RGS9: variants seen among roughly 807,000 people sequenced by gnomAD.
The protein encoded by RGS9 is regulator of G-protein signalling 9.
Under a neutral mutation model 102.0 loss-of-function variants are expected in RGS9, and 78 were observed. The observed-to-expected ratio is 0.76, with a 90% CI of 0.64 to 0.92. The LOEUF (loss-of-function observed/expected upper bound fraction) is 0.92, where lower values mean the gene tolerates loss of function less well. RGS9 is among the 40% of genes least tolerant of loss of function. RGS9 has a pLI of 0.00. For synonymous variants in RGS9, 353 were observed against 318.6 expected (o/e 1.11, Z -1.15); for missense variants, 833 against 866.1 (o/e 0.96, Z 0.48).
intron 1 of RGS9, among the ~76,000 whole-genome samples, chr17:65,140,505 G>C (rs1910116436): frequency 6.6e-6 from 1 of 152,158 alleles, no homozygotes; most frequent in Admixed American, 6.5e-5. Flanking sequence ...ACCTTTTAAA[G>C]GTTTGGTTTT....
chr17:65,206,411 G>A (rs980288086), intron 15 of RGS9, among the ~76,000 whole-genome samples: 12 of 152,182 alleles, frequency 7.9e-5, no homozygotes, highest in African/African-American at 2.9e-4. Context: ...TGGGCGCAGT[G>A]GCTCACGCCT....
At chr17:65,225,730 C>T in intron 18 of RGS9, 1 of 579,674 alleles carries the variant, frequency 1.7e-6, no homozygotes, top group Non-Finnish European at 3.1e-6. Flanking sequence ...TCCATTTTTC[C>T]AAATCTCTTT....
chr17:65,194,026 T>G (rs975258256), intron 12 of RGS9, among the ~76,000 whole-genome samples: 4 of 152,116 alleles, frequency 2.6e-5, no homozygotes, highest in Non-Finnish European at 5.9e-5. Context: ...TTCGAGCAAG[T>G]TTCTAAGAAG....
chr17:65,212,222 TGA>T (rs1364758617), intron 17 of RGS9, among the ~76,000 whole-genome samples: 1 of 152,266 alleles, frequency 6.6e-6, no homozygotes, highest in Non-Finnish European at 1.5e-5. Context: ...ACCTCTTTAG[TGA>T]GAGAAATTTC....
chr17:65,177,106 C>T lies in RGS9; in HGVS notation c.583-626C>T, dbSNP rs1005301905. Among the ~76,000 whole-genome samples, 3 of 151,176 alleles carry T rather than the reference C, an allele frequency of 2.0e-5. No individual in the cohort carries two copies. In the South Asian group the frequency reaches 6.3e-4, roughly 32 times the overall value. On this transcript the variant is annotated intron_variant, in intron 8 of 18. Coordinates refer to ENST00000262406, the MANE Select transcript of RGS9 (RefSeq NM_003835.4). Reference sequence around the variant, plus strand: ...CCATCCATCCATCCTTCCATCCCTCCATTCATCCATCTCACTATGGTGCTG... The same window carrying T: ...CCATCCATCCATCCTTCCATCCCTCTATTCATCCATCTCACTATGGTGCTG...
At chr17:65,181,153 GGT>G (rs1171547855) in intron 9 of RGS9, among the ~76,000 whole-genome samples, 2 of 152,066 alleles carry the variant, frequency 1.3e-5, no homozygotes, top group Non-Finnish European at 2.9e-5. Flanking sequence ...TATCCCTTTG[GGT>G]ATATACCTAG....
chr17:65,202,444 T>TGA (rs1555616144), intron 14 of RGS9, among the ~76,000 whole-genome samples: 5,257 of 131,622 alleles, frequency 0.04, 480 homozygotes, highest in East Asian at 0.23. Context: ...TGTGTGTGTG[T>TGA]GAGAGAGAGA....
rs908254700 is a variant in RGS9 at position 65,220,533 on chromosome 17, G to A, written c.1408-4469G>A. ...TCATGCCATGTGTTCACCCATGGCAGAGTTTTCCCCATGGGGCTAACTTTG... is the reference window on the plus strand; with the variant it reads ...TCATGCCATGTGTTCACCCATGGCAAAGTTTTCCCCATGGGGCTAACTTTG... On this transcript the variant is annotated intron_variant, in intron 17 of 18. Transcript: ENST00000262406. Among the ~76,000 whole-genome samples, 3 of 152,172 alleles carry A rather than the reference G, an allele frequency of 2.0e-5. No homozygotes were observed. The South Asian group carries it at 6.2e-4, about 32-fold the overall frequency.
intron 15 of RGS9, among the ~76,000 whole-genome samples, chr17:65,205,381 T>C (rs1362333108): frequency 6.6e-6 from 1 of 152,190 alleles, no homozygotes; most frequent in East Asian, 1.9e-4. Context: ...TTATGTGATA[T>C]AGGTTATGGA....
At chr17:65,162,957 C>A in intron 6 of RGS9, 56 bp from the exon 7 acceptor site, 2 of 951,972 alleles carry the variant, frequency 2.1e-6, no homozygotes, top group South Asian at 1.4e-5. Context: ...TGTTGCCCTG[C>A]GGCACATGGC....
intron 1 of RGS9, among the ~76,000 whole-genome samples, chr17:65,143,914 T>C (rs1359377382): frequency 6.8e-5 from 10 of 147,938 alleles, no homozygotes; most frequent in Admixed American, 3.4e-4. Context: ...TGAGCTATGA[T>C]CATGCCACTG....
chr17:65,206,533 C>T (rs1913070366), intron 15 of RGS9, among the ~76,000 whole-genome samples: 2 of 152,120 alleles, frequency 1.3e-5, no homozygotes, highest in South Asian at 2.1e-4. Context: ...CAAAAATTAG[C>T]TGGGCGTGGT....
Position 65,225,290 on chromosome 17 carries a change from C to T in RGS9, c.1696C>T (p.Pro566Ser), listed in dbSNP as rs745787640. The T allele has an allele frequency of 6.2e-7, 1 of 1,609,016 alleles. No homozygotes were observed. The highest frequency in any genetic ancestry group is 8.5e-7 in the Non-Finnish European group (1 of 1,179,942). The change falls in exon 18 of 19, where the codon CCT becomes TCT. Residue 566 changes from proline (P) to serine (S), a missense_variant. This residue lies in a region of RGS9 where 320 missense variants were observed against 276.8 expected (regional missense o/e 1.16). Coordinates refer to ENST00000262406, the MANE Select transcript of RGS9 (RefSeq NM_003835.4). ...CGAGGCCTCCCTCGACACCTCCTGGCCTCGCAGCCGGCCCAGGGCCCCTCC... is the reference window on the plus strand; with the variant it reads ...CGAGGCCTCCCTCGACACCTCCTGGTCTCGCAGCCGGCCCAGGGCCCCTCC... ...SSEASLDTSW[P>S]RSRPRAPPKA...
chr17:65,209,103 A>G (rs1913185988), intron 16 of RGS9, among the ~76,000 whole-genome samples: 1 of 152,198 alleles, frequency 6.6e-6, no homozygotes, highest in Admixed American at 6.5e-5. Context: ...CAGATATTTT[A>G]GAAGTTGGGG....
chr17:65,206,398 G>A (rs571303369), intron 15 of RGS9, among the ~76,000 whole-genome samples: 2 of 152,166 alleles, frequency 1.3e-5, no homozygotes, highest in East Asian at 1.9e-4. Flanking sequence ...TGTAGTTTTC[G>A]GCTGGGCGCA....
intron 8 of RGS9, among the ~76,000 whole-genome samples, chr17:65,170,350 GCCGC>G (rs1911367438): frequency 1.3e-5 from 2 of 152,102 alleles, no homozygotes; most frequent in Non-Finnish European, 2.9e-5. Context: ...ACCGCGCCTG[GCCGC>G]CTTCTGCATT....
chr17:65,201,255 T>C (rs892879399), intron 13 of RGS9, among the ~76,000 whole-genome samples: 6 of 152,136 alleles, frequency 3.9e-5, no homozygotes, highest in African/African-American at 1.4e-4. Flanking sequence ...TGGAGGGAGA[T>C]GAAGGATTTG....
Position 65,224,891 on chromosome 17 carries a change from C to T in RGS9, c.1408-111C>T, listed in dbSNP as rs1905559508. Reference sequence around the variant, plus strand: ...CTCCCTAGGAGGCAGCCATATCAGGCCCGCACTCTTGTCGCTGGAAGGGGA... The same window carrying T: ...CTCCCTAGGAGGCAGCCATATCAGGTCCGCACTCTTGTCGCTGGAAGGGGA... On this transcript the variant is annotated intron_variant, in intron 17 of 18. Transcript: ENST00000262406. 2.8e-6 allele frequency: 4 copies of T among 1,441,042 alleles called. No homozygotes were observed. In the Admixed American group the frequency reaches 5.0e-5, roughly 18 times the overall value. 89.3% of individuals were successfully genotyped at this position (1,441,042 alleles called of 1,614,324 possible).
rs115521535 is a variant in RGS9, at chr17:65,141,772, T to C, written c.57+4175T>C. Among the ~76,000 whole-genome samples, 762 of 152,194 alleles carry C rather than the reference T, an allele frequency of 5.0e-3. 5 individuals are homozygous for C. Among genetic ancestry groups the C allele is most frequent in the African/African-American group, 0.017 (714 of 41,496 alleles). ...ACAGATTTTACAAGGGGGCTTGCAA[T>C]GGAGTCGAATTATAAAAAGTCAGTA... is the stretch of plus-strand genomic sequence containing the variant. On this transcript the variant is annotated intron_variant, in intron 1 of 18. Coordinates refer to ENST00000262406, the MANE Select transcript of RGS9 (RefSeq NM_003835.4).
Sources: gnomAD v4.1 joint callset for allele counts (sites outside exome capture counted in the v4.1 genomes callset) on GRCh38, gnomAD v4.1.1 for gene constraint, gnomAD v4.1.1 regional missense constraint, MANE v1.5 for transcripts, NCBI Gene and HGNC (gene_info 2026-07-23, HGNC 2026-07-21) for gene names.